The following SLC35E1 variants were observed in gnomAD, a reference collection of about 807,000 sequenced individuals.
SLC35E1 encodes the protein solute carrier family 35 member E1.
SLC35E1 carries 12 observed loss-of-function variants against 31.0 expected under a neutral mutation model. The observed-to-expected ratio is 0.39, with a 90% CI of 0.25 to 0.63. The LOEUF (loss-of-function observed/expected upper bound fraction) is 0.63, where lower values mean the gene tolerates loss of function less well. Ranked by LOEUF, SLC35E1 falls within the 20% of genes least tolerant of loss-of-function variation. The pLI, the probability that SLC35E1 is intolerant of heterozygous loss-of-function variation, is 0.52. For missense variants in SLC35E1, 429 were observed against 572.2 expected, an observed-to-expected ratio of 0.75 and a Z score of 2.55; for synonymous variants, 257 against 264.1, an observed-to-expected ratio of 0.97 and a Z score of 0.26.
intron 4 of SLC35E1, chr19:16,565,052 C>T (rs531453475): frequency 2.0e-5 from 9 of 447,300 alleles, no homozygotes; most frequent in East Asian, 7.0e-5. Flanking sequence ...CTTTCTAACT[C>T]GAGTCTGGAA....
chr19:16,572,198 G>C lies in SLC35E1; in HGVS notation c.167C>G (p.Pro56Arg). The C allele has an allele frequency of 6.5e-7, 1 of 1,531,820 alleles. No homozygotes were observed. The highest frequency in any genetic ancestry group is 8.8e-7 in the Non-Finnish European group (1 of 1,138,574). The allele number at this position is 1,531,820 out of a possible 1,614,324, so 94.9% of individuals were successfully genotyped here. The change falls in exon 1 of 6, where the codon CCG (proline) becomes CGG (arginine). Residue 56 changes from proline (P) to arginine (R), a missense_variant. Transcript: ENST00000595753. The surrounding 1 kb of genome is among the most constrained non-coding windows in gnomAD (Gnocchi z 4.1). ...VVNKVILSAFPFPVTVSLCHI... is the reference protein window; with the variant it reads ...VVNKVILSAFRFPVTVSLCHI... ...GCACAGCGACACGGTCACCGGGAAC[G>C]GGAAGGCGCTCAGGATCACCTTGTT... is the stretch of plus-strand genomic sequence containing the variant.
At chr19:16,560,325 G>A (rs935636235) in intron 4 of SLC35E1, among the ~76,000 whole-genome samples, 2 of 152,124 alleles carry the variant, frequency 1.3e-5, no homozygotes, top group East Asian at 1.9e-4. Context: ...TTTAATCACC[G>A]TACTCTGCTG....
At chr19:16,564,407 G>A (rs1356979074) in intron 4 of SLC35E1, among the ~76,000 whole-genome samples, 3 of 152,096 alleles carry the variant, frequency 2.0e-5, no homozygotes, top group Non-Finnish European at 4.4e-5. Context: ...CCAGGTTCAA[G>A]CAATTCTCCT....
At chr19:16,564,584 G>A (rs1430835619) in intron 4 of SLC35E1, among the ~76,000 whole-genome samples, 1 of 152,138 alleles carries the variant, frequency 6.6e-6, no homozygotes, top group Non-Finnish European at 1.5e-5. Context: ...GGGATTACAG[G>A]CTGGAGCCAC....
intron 5 of SLC35E1, 96 bp from the exon 6 acceptor site, chr19:16,554,005 C>T: frequency 9.0e-7 from 1 of 1,106,812 alleles, no homozygotes; most frequent in Non-Finnish European, 1.2e-6. Context: ...TGGCTCACAC[C>T]TGTAATCCCA....
chr19:16,555,003 G>T lies in SLC35E1; in HGVS notation c.1002+149C>A. 8.4e-7 allele frequency: 1 copy of T among 1,189,334 alleles called. No individual in the cohort carries two copies. The highest frequency in any genetic ancestry group is 1.1e-6 in the Non-Finnish European group (1 of 871,290). The allele number at this position is 1,189,334 out of a possible 1,614,324, so 73.7% of individuals were successfully genotyped here. On this transcript the variant is annotated intron_variant, in intron 5 of 5. Coordinates refer to ENST00000595753, the MANE Select transcript of SLC35E1 (RefSeq NM_024881.5). The surrounding 1 kb of genome is among the most constrained non-coding windows in gnomAD (Gnocchi z 4.1). ...TGCAGGAAAAAGGAAGCCAGAGTGG[G>T]ATGGGGCTACGCCAAGATCATAAAC... is the stretch of plus-strand genomic sequence containing the variant.
rs2085836320 is a variant in SLC35E1 at position 16,549,875 on chromosome 19, T to A, written c.*3804A>T. The stretch of plus-strand genomic sequence containing the variant: ...ATCATTTATTTTTGGTAAATGCCAG[T>A]GAGGAATATACACGTCATTCCTGCA... On this transcript the variant is annotated 3_prime_UTR_variant, in exon 6 of 6. Transcript: ENST00000595753. The A allele has an allele frequency of 6.6e-6, 1 of 152,186 alleles. No individual in the cohort carries two copies. Among genetic ancestry groups the A allele is most frequent in the African/African-American group, 2.4e-5 (1 of 41,446 alleles). 9.4% of individuals were successfully genotyped at this position (152,186 alleles called of 1,614,324 possible). A position where few individuals can be genotyped will look rare whatever the true frequency, so the allele number is the denominator to read the frequency against.
intron 4 of SLC35E1, among the ~76,000 whole-genome samples, chr19:16,564,715 C>CA (rs1285170568): frequency 1.3e-5 from 2 of 152,204 alleles, no homozygotes; most frequent in Non-Finnish European, 2.9e-5. Flanking sequence ...TACCCCCAAA[C>CA]AAACCCTCAA....
At chr19:16,561,149 G>A (rs1323783287) in intron 4 of SLC35E1, among the ~76,000 whole-genome samples, 1 of 135,388 alleles carries the variant, frequency 7.4e-6, no homozygotes, top group Non-Finnish European at 1.5e-5. Context: ...TGGAGGCAGA[G>A]GTTGCAGCGA....
intron 3 of SLC35E1, among the ~76,000 whole-genome samples, chr19:16,567,659 T>C (rs1012896781): frequency 2.6e-5 from 4 of 152,198 alleles, no homozygotes; most frequent in Admixed American, 2.0e-4. Flanking sequence ...CTTCCTGGGT[T>C]CAAGCAATTC....
chr19:16,560,894 A>AAAAAAAAAAAAACCAAAAGAAAAAAAC (rs1282867880), intron 4 of SLC35E1, among the ~76,000 whole-genome samples: 34 of 143,600 alleles, frequency 2.4e-4, no homozygotes, highest in African/African-American at 8.7e-4. Flanking sequence ...AAAAAAAAAA[A>AAAAAAAAAAAAACCAAAAGAAAAAAAC]AAAAAAGAGA....
At position 16,553,751 on chromosome 19, in the gene SLC35E1, G is replaced by A. The variant is rs1301683172; in HGVS notation, c.1161C>T (p.Ile387=). 1 of 1,612,158 alleles carries A rather than the reference G, an allele frequency of 6.2e-7. No individual in the cohort carries two copies. Among genetic ancestry groups the A allele is most frequent in the African/African-American group, 1.3e-5 (1 of 75,008 alleles). ...GGCTGTATTGGAAGTGGTCTGTTAA[G>A]ATGTTGTTGCGGCCGTACTGATAGT... ...HGDYQYGRNN[I]LTDHFQYSRQ... Residue 387 remains isoleucine (I), a synonymous_variant, in exon 6 of 6, where the codon ATC becomes ATT. Coordinates refer to ENST00000595753, the MANE Select transcript of SLC35E1 (RefSeq NM_024881.5).
At chr19:16,558,762 C>T (rs375540772) in intron 4 of SLC35E1, among the ~76,000 whole-genome samples, 1 of 151,310 alleles carries the variant, frequency 6.6e-6, no homozygotes, top group Non-Finnish European at 1.5e-5. Flanking sequence ...TTCAGTCCAT[C>T]CCTTGAGTTT....
At chr19:16,554,371 T>C (rs1568270777) in intron 5 of SLC35E1, among the ~76,000 whole-genome samples, 1 of 150,958 alleles carries the variant, frequency 6.6e-6, no homozygotes, top group Non-Finnish European at 1.5e-5. Context: ...CCACAGTGCA[T>C]GGACAGACTC....
At chr19:16,554,135 G>A (rs1168579541) in intron 5 of SLC35E1, among the ~76,000 whole-genome samples, 1 of 151,520 alleles carries the variant, frequency 6.6e-6, no homozygotes, top group Non-Finnish European at 1.5e-5. Flanking sequence ...GTGTGGTGGC[G>A]CATGCTGTAG....
chr19:16,562,959 CT>C (rs2122338729), intron 4 of SLC35E1, among the ~76,000 whole-genome samples: 1 of 152,322 alleles, frequency 6.6e-6, no homozygotes, highest in Admixed American at 6.5e-5. Context: ...AGCAGTCTGC[CT>C]GCCTCTGCCT....
intron 4 of SLC35E1, among the ~76,000 whole-genome samples, chr19:16,558,731 T>C (rs1390864822): frequency 1.3e-5 from 2 of 151,914 alleles, no homozygotes; most frequent in Non-Finnish European, 2.9e-5. Flanking sequence ...GGCTCCTTCC[T>C]CTGTTACCTC....
rs755172848 is a variant in SLC35E1, at chr19:16,568,187, CAAG to C, written c.493-21_493-19del. 3.1e-6 allele frequency: 5 copies of C among 1,599,286 alleles called. No individual in the cohort carries two copies. In the South Asian group the frequency reaches 5.6e-5, roughly 18 times the overall value. ...AAGTATACCTGCAGGAAGAGGTCATCAAGAAGGGCTCACAGGCCAGACTAGAGC... is the reference window on the plus strand; with the variant it reads ...AAGTATACCTGCAGGAAGAGGTCATCAAGGGCTCACAGGCCAGACTAGAGC... On this transcript the variant is annotated intron_variant, in intron 2 of 5. Transcript: ENST00000595753.
intron 4 of SLC35E1, among the ~76,000 whole-genome samples, chr19:16,557,997 A>G (rs1228566449): frequency 1.3e-5 from 2 of 151,662 alleles, no homozygotes; most frequent in East Asian, 3.9e-4. Flanking sequence ...TATTTTTAGT[A>G]GAGACAGGGT....
Sources: allele counts gnomAD v4.1 joint callset (sites outside exome capture counted in the v4.1 genomes callset), GRCh38; gene constraint gnomAD v4.1.1; non-coding constraint Gnocchi (gnomAD v3.1); transcripts MANE v1.5; gene names NCBI Gene and HGNC (gene_info 2026-07-23, HGNC 2026-07-21).